The following LPP variants were observed in gnomAD, a reference collection of about 807,000 sequenced individuals.
LPP encodes the protein lipoma-preferred partner.
Under a neutral mutation model 60.4 loss-of-function variants are expected in LPP, and 38 were observed. That is an observed-to-expected ratio of 0.63 (90% CI 0.49 to 0.83). The LOEUF is 0.83. LPP is among the 40% of genes least tolerant of loss of function. LPP has a pLI of 0.00. For synonymous variants in LPP, 328 were observed against 290.8 expected, an observed-to-expected ratio of 1.13 and a Z score of -1.30; for missense variants, 902 against 783.6, an observed-to-expected ratio of 1.15 and a Z score of -1.80.
At chr3:188,258,923 C>T (rs1407700974) in intron 2 of LPP, among the ~76,000 whole-genome samples, 1 of 152,078 alleles carries the variant, frequency 6.6e-6, no homozygotes, top group Admixed American at 6.5e-5. Flanking sequence ...GGGATGGACA[C>T]AGATGCTGAA....
chr3:188,872,532 G>A (rs898501605), intron 10 of LPP, 111 bp from the exon 11 acceptor site: 7 of 1,177,834 alleles, frequency 5.9e-6, no homozygotes, highest in Non-Finnish European at 6.3e-6. Flanking sequence ...TCACCTTACG[G>A]ATGAGGAAGC....
chr3:188,533,064 T>C (rs1822612588), intron 6 of LPP, among the ~76,000 whole-genome samples: 1 of 152,170 alleles, frequency 6.6e-6, no homozygotes, highest in Non-Finnish European at 1.5e-5. Flanking sequence ...AGCAATAATG[T>C]ATGAGGCAAC....
rs71167082 is a variant in LPP at position 188,249,884 on chromosome 3, C to CATATATAT, written c.-67+24368_-67+24375dup. Among the ~76,000 whole-genome samples the CATATATAT allele has an allele frequency of 1.5e-4, 18 of 117,236 alleles. No individual in the cohort carries two copies. The East Asian group carries it at 3.9e-3, about 26-fold the overall frequency. The allele number at this position is 117,236 out of a possible 152,430, so 76.9% of individuals were successfully genotyped here. On this transcript the variant is annotated intron_variant, in intron 2 of 11. Transcript: ENST00000617246. ...CACACACACACAGTCTCCCCCACCC[C>CATATATAT]ATATATATATATATATATTTTTTTT...
chr3:188,374,677 T>A (rs1346759392), intron 3 of LPP, among the ~76,000 whole-genome samples: 2 of 152,184 alleles, frequency 1.3e-5, no homozygotes, highest in Non-Finnish European at 2.9e-5. Context: ...CTTCCTTTTT[T>A]CCTAATTTAA....
chr3:188,322,382 T>C (rs918015269), intron 2 of LPP, among the ~76,000 whole-genome samples: 3 of 152,136 alleles, frequency 2.0e-5, no homozygotes, highest in Non-Finnish European at 2.9e-5. Context: ...GGGAGCAGGC[T>C]TTATGTGATG....
In LPP at chr3:188,202,166, C is replaced by T. The variant is rs548383919; in HGVS notation, c.-189-23239C>T. ...GTCCTTGAGAGCAGAAACGTAGCCTCGTCTTGGCACCATGCATCATGTAAA... is the reference window on the plus strand; with the variant it reads ...GTCCTTGAGAGCAGAAACGTAGCCTTGTCTTGGCACCATGCATCATGTAAA... On this transcript the variant is annotated intron_variant, in intron 1 of 11. Coordinates refer to ENST00000617246, the MANE Select transcript of LPP (RefSeq NM_001375462.1). Among the ~76,000 whole-genome samples, 32 of 152,020 alleles carry T rather than the reference C, an allele frequency of 2.1e-4. 1 individual carries two copies. The highest frequency in any genetic ancestry group is 6.8e-3 in the Middle Eastern group (2 of 294).
intron 6 of LPP, among the ~76,000 whole-genome samples, chr3:188,546,373 G>A (rs970413032): frequency 2.6e-5 from 4 of 152,002 alleles, no homozygotes; most frequent in Non-Finnish European, 4.4e-5. Context: ...AGAGAAAGTG[G>A]GTAGATAAGG....
In LPP at chr3:188,669,351, C is replaced by T. The variant is rs111473460; in HGVS notation, c.1114-38916C>T. Among the ~76,000 whole-genome samples the T allele has an allele frequency of 1.2e-4, 19 of 152,028 alleles. No homozygotes were observed. The East Asian group carries it at 1.4e-3, about 11-fold the overall frequency. On this transcript the variant is annotated intron_variant, in intron 7 of 11. Coordinates refer to ENST00000617246, the MANE Select transcript of LPP (RefSeq NM_001375462.1). ...CAGCACTTTGGGAGGTCGAGGCGGGCGGATCACGAAGTCAGGAGATCGAGA... is the reference window on the plus strand; with the variant it reads ...CAGCACTTTGGGAGGTCGAGGCGGGTGGATCACGAAGTCAGGAGATCGAGA...
At chr3:188,694,347 C>T (rs990168719) in intron 7 of LPP, among the ~76,000 whole-genome samples, 3 of 152,052 alleles carry the variant, frequency 2.0e-5, no homozygotes, top group Non-Finnish European at 4.4e-5. Context: ...GCTTATATCT[C>T]AGATTGATAA....
At chr3:188,252,913 A>C (rs1277713200) in intron 2 of LPP, among the ~76,000 whole-genome samples, 1 of 152,160 alleles carries the variant, frequency 6.6e-6, no homozygotes, top group Non-Finnish European at 1.5e-5. Context: ...CTGGGATTGC[A>C]GGTGCATGTC....
intron 9 of LPP, among the ~76,000 whole-genome samples, chr3:188,790,586 T>G (rs1743354802): frequency 6.6e-6 from 1 of 152,054 alleles, no homozygotes; most frequent in African/African-American, 2.4e-5. Context: ...ATCCTAGAAC[T>G]TTGGGAGGCG....
intron 1 of LPP, among the ~76,000 whole-genome samples, chr3:188,202,004 G>A (rs1993971): frequency 0.77 from 117,030 of 151,232 alleles, 45,387 homozygotes; most frequent in East Asian, 0.84. Context: ...CAAAGAATAT[G>A]TGTTGAGTGG....
At chr3:188,496,261 G>T (rs1810174873) in intron 5 of LPP, among the ~76,000 whole-genome samples, 4 of 151,972 alleles carry the variant, frequency 2.6e-5, no homozygotes, top group African/African-American at 7.3e-5. Context: ...GAGTAGCTGG[G>T]ATTACAGGCA....
chr3:188,301,582 T>C (rs1356214624), intron 2 of LPP, among the ~76,000 whole-genome samples: 4 of 152,166 alleles, frequency 2.6e-5, no homozygotes, highest in Admixed American at 2.0e-4. Context: ...AAATTAAAAA[T>C]AATTTTCTTG....
rs149830865 is a variant in LPP at position 188,623,407 on chromosome 3, G to A, written c.1113+13563G>A. Among the ~76,000 whole-genome samples, 648 of 151,980 alleles carry A rather than the reference G, an allele frequency of 4.3e-3. 5 individuals are homozygous for A. Among genetic ancestry groups the A allele is most frequent in the African/African-American group, 0.014 (579 of 41,464 alleles). Reference sequence around the variant, plus strand: ...AGAGTAGGTGGGATTACAAGCATGCGCCACCATAATCAGCTAATTTTTGTA... The same window carrying A: ...AGAGTAGGTGGGATTACAAGCATGCACCACCATAATCAGCTAATTTTTGTA... On this transcript the variant is annotated intron_variant, in intron 7 of 11. Transcript: ENST00000617246.
chr3:188,497,024 G>A (rs1810430364), intron 5 of LPP, among the ~76,000 whole-genome samples: 1 of 148,002 alleles, frequency 6.8e-6, no homozygotes. Flanking sequence ...TTTTTTTTAA[G>A]GAATACAGGA....
intron 5 of LPP, among the ~76,000 whole-genome samples, chr3:188,500,879 T>G (rs1811623556): frequency 6.6e-6 from 1 of 152,186 alleles, no homozygotes; most frequent in African/African-American, 2.4e-5. Context: ...TCTGTAGAAT[T>G]GTTAGTAATG....
intron 4 of LPP, among the ~76,000 whole-genome samples, chr3:188,431,548 C>T (rs1442009660): frequency 6.6e-6 from 1 of 152,034 alleles, no homozygotes; most frequent in Non-Finnish European, 1.5e-5. Flanking sequence ...AAAGGTCTGC[C>T]AGAGTCAAGC....
chr3:188,811,102 G>A (rs1750808017), intron 9 of LPP, among the ~76,000 whole-genome samples: 1 of 151,880 alleles, frequency 6.6e-6, no homozygotes, highest in Non-Finnish European at 1.5e-5. Flanking sequence ...ATATATATAT[G>A]TGCATATAAT....
Sources: allele counts gnomAD v4.1 joint callset (sites outside exome capture counted in the v4.1 genomes callset), GRCh38; gene constraint gnomAD v4.1.1; transcripts MANE v1.5; gene names NCBI Gene and HGNC (gene_info 2026-07-23, HGNC 2026-07-21).